Variants in AQR observed in about 807,000 individuals in gnomAD.
AQR encodes aquarius intron-binding spliceosomal factor.
A neutral mutation model predicts 180.5 loss-of-function variants in AQR; 61 were observed. The ratio of observed to expected loss-of-function variants is 0.34; its 90% CI spans 0.28 to 0.42. The LOEUF is 0.42. Among genes scored for constraint, AQR ranks in the 10% least tolerant of loss-of-function variants. The pLI, the probability that AQR is intolerant of heterozygous loss-of-function variation, is 1.00. For missense variants in AQR, 1,281 were observed against 1,798.3 expected (o/e 0.71, Z 5.20); for synonymous variants, 551 against 588.8 (o/e 0.94, Z 0.93).
intron 13 of AQR, among the ~76,000 whole-genome samples, chr15:34,926,610 A>G (rs915383135): frequency 6.6e-6 from 1 of 152,236 alleles, no homozygotes; most frequent in Non-Finnish European, 1.5e-5. Flanking sequence ...TATTATTACT[A>G]TTTTCAAAAG....
intron 12 of AQR, 25 bp from the exon 13 acceptor site, chr15:34,927,163 TAATA>T: frequency 7.4e-7 from 1 of 1,347,376 alleles, no homozygotes; most frequent in Non-Finnish European, 1.0e-6. Flanking sequence ...CAAAAAATAT[TAATA>T]ATTAATGTCT....
intron 11 of AQR, among the ~76,000 whole-genome samples, chr15:34,931,127 C>T (rs767755340): frequency 6.6e-6 from 1 of 152,094 alleles, no homozygotes; most frequent in Non-Finnish European, 1.5e-5. Context: ...TGAGCCACCG[C>T]GCCCGGCTGT....
At chr15:34,894,825 C>A (rs1020253690) in intron 22 of AQR, among the ~76,000 whole-genome samples, 3 of 151,772 alleles carry the variant, frequency 2.0e-5, no homozygotes, top group Non-Finnish European at 4.4e-5. Context: ...TATTGCAAAT[C>A]CCTAAAGCAG....
rs572563832 is a variant in AQR, at chr15:34,963,660, AC to A, written c.132+573del. 8.0e-5 allele frequency among the ~76,000 whole-genome samples: 7 copies of A among 87,082 alleles called. No homozygotes were observed. The South Asian group carries it at 3.4e-3, about 43-fold the overall frequency. The allele number at this position is 87,082 out of a possible 152,430, so 57.1% of individuals were successfully genotyped here. Reference sequence around the variant, plus strand: ...ACAGTTAAGTAAATTATACACGTACACTTTTTTTTTTTCTTTTTTTTGAGAT... The same window carrying A: ...ACAGTTAAGTAAATTATACACGTACATTTTTTTTTTTCTTTTTTTTGAGAT... On this transcript the variant is annotated intron_variant, in intron 2 of 34. Coordinates refer to ENST00000156471, the MANE Select transcript of AQR (RefSeq NM_014691.3).
rs1459720756 is a variant in AQR at position 34,882,511 on chromosome 15, T to C, written c.3156A>G (p.Leu1052=). 1 of 1,557,942 alleles carries C rather than the reference T, an allele frequency of 6.4e-7. No homozygotes were observed. Among genetic ancestry groups the C allele is most frequent in the Non-Finnish European group, 8.7e-7 (1 of 1,151,992 alleles). ...AALKRHDLVK[L]GFKYDNILME... ...TACCATAAGTCTTTACCTTGAAACC[T>C]AGCTTGACCAAGTCATGTCGTTTTA... Residue 1052 remains leucine (L), a synonymous_variant, in exon 27 of 35, where the codon CTA becomes CTG. Coordinates refer to ENST00000156471, the MANE Select transcript of AQR (RefSeq NM_014691.3).
At chr15:34,909,478 C>T (rs774272612) in intron 17 of AQR, among the ~76,000 whole-genome samples, 1 of 152,206 alleles carries the variant, frequency 6.6e-6, no homozygotes, top group Non-Finnish European at 1.5e-5. Flanking sequence ...GGAGGAATAA[C>T]TCCTTTAATT....
intron 33 of AQR, among the ~76,000 whole-genome samples, chr15:34,861,971 A>T (rs1290792240): frequency 6.6e-6 from 1 of 152,154 alleles, no homozygotes; most frequent in African/African-American, 2.4e-5. Flanking sequence ...GAAAAAGCAA[A>T]GCCCAAAAGT....
intron 12 of AQR, among the ~76,000 whole-genome samples, chr15:34,928,573 C>T (rs1323869373): frequency 1.3e-5 from 2 of 152,176 alleles, no homozygotes; most frequent in Non-Finnish European, 2.9e-5. Context: ...ATATGTGCCA[C>T]ATTTTCTTTA....
intron 10 of AQR, among the ~76,000 whole-genome samples, chr15:34,932,659 A>C (rs1001726575): frequency 2.0e-4 from 31 of 152,210 alleles, no homozygotes; most frequent in Non-Finnish European, 3.1e-4. Flanking sequence ...AGAACTTTTA[A>C]GATAAAATTG....
rs1022604261 is a variant in AQR, at chr15:34,873,742, C to T, written c.3597+86G>A. 2.6e-5 allele frequency: 32 copies of T among 1,223,716 alleles called. No individual in the cohort carries two copies. In the East Asian group the frequency reaches 3.6e-4, roughly 14 times the overall value. 75.8% of individuals were successfully genotyped at this position (1,223,716 alleles called of 1,614,324 possible). On this transcript the variant is annotated intron_variant, in intron 30 of 34. Coordinates refer to ENST00000156471, the MANE Select transcript of AQR (RefSeq NM_014691.3). ...GGGGTTCCAACTTTCCTTTTCTCAA[C>T]GGCCAAATGGTTAAGTATCACTGAT...
chr15:34,881,120 A>G (rs1467111098), intron 27 of AQR, among the ~76,000 whole-genome samples: 2 of 152,208 alleles, frequency 1.3e-5, no homozygotes, highest in Admixed American at 1.3e-4. Context: ...TTATGGTTGC[A>G]TTATTTTCCC....
At chr15:34,873,646 T>C (rs1209878240) in intron 30 of AQR, among the ~76,000 whole-genome samples, 182 bp downstream of exon 30, 2 of 152,162 alleles carry the variant, frequency 1.3e-5, no homozygotes, top group Non-Finnish European at 2.9e-5. Context: ...AGTTTCTAGT[T>C]TGTTTAGTTT....
At chr15:34,960,894 T>G (rs2050272460) in intron 2 of AQR, 80 bp from the exon 3 acceptor site, 2 of 516,926 alleles carry the variant, frequency 3.9e-6, no homozygotes, top group South Asian at 4.4e-5. Flanking sequence ...TGAGTGAGAT[T>G]ATATAAAATA....
In AQR at chr15:34,938,717, C is replaced by T. The variant is rs139945391; in HGVS notation, c.718+20G>A. 1.4e-5 allele frequency: 19 copies of T among 1,370,092 alleles called. No homozygotes were observed. In the Middle Eastern group the frequency reaches 9.1e-4, roughly 65 times the overall value. 84.9% of individuals were successfully genotyped at this position (1,370,092 alleles called of 1,614,324 possible). A position where few individuals can be genotyped will look rare whatever the true frequency, so the allele number is the denominator to read the frequency against. On this transcript the variant is annotated intron_variant, in intron 9 of 34. Coordinates refer to ENST00000156471, the MANE Select transcript of AQR (RefSeq NM_014691.3). ...GCTATATGATAATTTCACAAATGCA[C>T]TGAGTAAAAAAGAAGATACCAGAAA... is the stretch of plus-strand genomic sequence containing the variant.
intron 3 of AQR, among the ~76,000 whole-genome samples, chr15:34,955,043 A>C (rs1484619443): frequency 6.6e-6 from 1 of 152,152 alleles, no homozygotes; most frequent in Non-Finnish European, 1.5e-5. Flanking sequence ...GAATTGCTTG[A>C]ACCCAGGAGG....
At chr15:34,923,043 G>A (rs968727400) in intron 13 of AQR, among the ~76,000 whole-genome samples, 2 of 152,218 alleles carry the variant, frequency 1.3e-5, no homozygotes, top group Non-Finnish European at 2.9e-5. Context: ...GTTACTCATG[G>A]TTGACCAGAG....
intron 17 of AQR, 83 bp from the exon 18 acceptor site, chr15:34,906,795 A>C: frequency 7.4e-7 from 1 of 1,360,220 alleles, no homozygotes; most frequent in Non-Finnish European, 1.0e-6. Flanking sequence ...TTGCCTCTCT[A>C]CCTCTTATCT....
chr15:34,919,918 CAA>C (rs200837935), intron 14 of AQR, among the ~76,000 whole-genome samples: 1 of 151,304 alleles, frequency 6.6e-6, no homozygotes, highest in Non-Finnish European at 1.5e-5. Context: ...AACAAACAAA[CAA>C]ACAAAAAAAC....
intron 12 of AQR, among the ~76,000 whole-genome samples, chr15:34,929,348 C>T (rs1893813915): frequency 1.3e-5 from 2 of 152,034 alleles, no homozygotes; most frequent in African/African-American, 2.4e-5. Flanking sequence ...CTTTAATCCA[C>T]CTTGAGTTAA....
Sources: allele counts gnomAD v4.1 joint callset (sites outside exome capture counted in the v4.1 genomes callset), GRCh38; gene constraint gnomAD v4.1.1; transcripts MANE v1.5; gene names NCBI Gene and HGNC (gene_info 2026-07-23, HGNC 2026-07-21).